Variants in TMEM167A observed in about 807,000 individuals in gnomAD.
TMEM167A encodes protein kish-A.
In TMEM167A, 8 loss-of-function variants were observed where a neutral mutation model predicts 11.6. The observed-to-expected ratio is 0.69, with a 90% confidence interval of 0.40 to 1.24. The LOEUF is 1.24. Among genes scored for constraint, TMEM167A ranks in the 50% most tolerant of loss-of-function variants. TMEM167A has a pLI of 0.01. For synonymous variants in TMEM167A, 22 were observed against 28.0 expected, an observed-to-expected ratio of 0.79 and a Z score of 0.67; for missense variants, 62 against 87.0, an observed-to-expected ratio of 0.71 and a Z score of 1.14.
chr5:83,070,263 C>T (rs1206030159), intron 1 of TMEM167A, among the ~76,000 whole-genome samples: 1 of 152,154 alleles, frequency 6.6e-6, no homozygotes, highest in East Asian at 1.9e-4. Context: ...TTCTGTAAGA[C>T]TGAGTACGCA....
At position 83,055,747 on chromosome 5, in the gene TMEM167A, TCA is replaced by T. The variant is rs1307334875; in HGVS notation, c.*1335_*1336del. ...AGTCTAAAATAAAAATAGGTGGCTT[TCA>T]GTTCCATACGTTGTTTCTGCAGAAA... On this transcript the variant is annotated 3_prime_UTR_variant, in exon 4 of 4. Coordinates refer to ENST00000502346, the MANE Select transcript of TMEM167A (RefSeq NM_174909.5). The T allele has an allele frequency of 1.3e-5, 2 of 151,932 alleles. No individual in the cohort carries two copies. Among genetic ancestry groups the T allele is most frequent in the African/African-American group, 4.8e-5 (2 of 41,420 alleles). 9.4% of individuals were successfully genotyped at this position (151,932 alleles called of 1,614,324 possible).
intron 1 of TMEM167A, among the ~76,000 whole-genome samples, chr5:83,072,762 C>T (rs1744581994): frequency 6.6e-6 from 1 of 152,122 alleles, no homozygotes; most frequent in African/African-American, 2.4e-5. Flanking sequence ...GAATGCCTGC[C>T]TCAGCCTCCT....
chr5:83,056,935 A>G lies in TMEM167A; in HGVS notation c.*149T>C. On this transcript the variant is annotated 3_prime_UTR_variant, in exon 4 of 4. Coordinates refer to ENST00000502346, the MANE Select transcript of TMEM167A (RefSeq NM_174909.5). ...ATTGTTTATACAGAACATTGGTCCAATAACATTAAAATAGAGAACAGCATC... is the reference window on the plus strand; with the variant it reads ...ATTGTTTATACAGAACATTGGTCCAGTAACATTAAAATAGAGAACAGCATC... The G allele has an allele frequency of 1.4e-6, 1 of 731,714 alleles. No individual in the cohort carries two copies. Among genetic ancestry groups the G allele is most frequent in the South Asian group, 1.5e-5 (1 of 64,908 alleles). The allele number at this position is 731,714 out of a possible 1,614,324, so 45.3% of individuals were successfully genotyped here.
At chr5:83,059,051 A>C (rs533816284) in intron 3 of TMEM167A, among the ~76,000 whole-genome samples, 90 of 152,248 alleles carry the variant, frequency 5.9e-4, no homozygotes, top group African/African-American at 2.1e-3. Context: ...TCACTCTGCC[A>C]AAATGAAAAG....
In TMEM167A at chr5:83,055,276, C is replaced by T. The variant is rs1023589815; in HGVS notation, c.*1808G>A. On this transcript the variant is annotated 3_prime_UTR_variant, in exon 4 of 4. Transcript: ENST00000502346. ...ATATCTAGAATATTCTTCCTCTTTTCATATTCGATTTGTCTTAGCATATAA... is the reference window on the plus strand; with the variant it reads ...ATATCTAGAATATTCTTCCTCTTTTTATATTCGATTTGTCTTAGCATATAA... The T allele has an allele frequency of 6.6e-6, 1 of 151,982 alleles. No homozygotes were observed. The highest frequency in any genetic ancestry group is 1.5e-5 in the Non-Finnish European group (1 of 67,950). 9.4% of individuals were successfully genotyped at this position (151,982 alleles called of 1,614,324 possible).
At chr5:83,069,767 A>C (rs774360498) in intron 1 of TMEM167A, among the ~76,000 whole-genome samples, 43 of 152,298 alleles carry the variant, frequency 2.8e-4, no homozygotes, top group Non-Finnish European at 4.7e-4. Context: ...TGTGACTATT[A>C]AAATATAGTA....
In TMEM167A at chr5:83,055,592, C is replaced by T. The variant is rs1356364973; in HGVS notation, c.*1492G>A. 6.6e-6 allele frequency: 1 copy of T among 151,710 alleles called. No individual in the cohort carries two copies. The highest frequency in any genetic ancestry group is 1.5e-5 in the Non-Finnish European group (1 of 67,838). The allele number at this position is 151,710 out of a possible 1,614,324, so 9.4% of individuals were successfully genotyped here. A position where few individuals can be genotyped will look rare whatever the true frequency, so the allele number is the denominator to read the frequency against. On this transcript the variant is annotated 3_prime_UTR_variant, in exon 4 of 4. Coordinates refer to ENST00000502346, the MANE Select transcript of TMEM167A (RefSeq NM_174909.5). ...CCAAAACCAAACCAAAACAAACAAA[C>T]AAAAAATCCCCAGATAACAAAATAC... is the stretch of plus-strand genomic sequence containing the variant.
intron 1 of TMEM167A, among the ~76,000 whole-genome samples, chr5:83,069,675 A>G (rs1397132557): frequency 2.6e-5 from 4 of 152,108 alleles, no homozygotes; most frequent in Admixed American, 6.5e-5. Context: ...TGCATAATAC[A>G]TACACATAAC....
chr5:83,060,771 C>T (rs966928046), intron 3 of TMEM167A, among the ~76,000 whole-genome samples: 2 of 150,402 alleles, frequency 1.3e-5, no homozygotes, highest in Non-Finnish European at 2.9e-5. Context: ...GCGGAGCTTG[C>T]AGTGAGCGGA....
intron 1 of TMEM167A, among the ~76,000 whole-genome samples, chr5:83,068,952 T>G (rs893501903): frequency 1.3e-5 from 2 of 152,166 alleles, no homozygotes; most frequent in Non-Finnish European, 2.9e-5. Flanking sequence ...GCTGAGAATA[T>G]GAGGGTTCAT....
intron 3 of TMEM167A, among the ~76,000 whole-genome samples, chr5:83,057,636 A>G (rs1366644119): frequency 6.6e-6 from 1 of 152,106 alleles, no homozygotes; most frequent in Non-Finnish European, 1.5e-5. Flanking sequence ...GATGAAAATA[A>G]AGAGAGGATG....
rs780898513 is a variant in TMEM167A at position 83,077,337 on chromosome 5, A to T, written c.-14T>A. 2 of 1,614,158 alleles carry T rather than the reference A, an allele frequency of 1.2e-6. No homozygotes were observed. The highest frequency in any genetic ancestry group is 1.7e-6 in the Non-Finnish European group (2 of 1,180,022). On this transcript the variant is annotated 5_prime_UTR_variant, in exon 1 of 4. Coordinates refer to ENST00000502346, the MANE Select transcript of TMEM167A (RefSeq NM_174909.5). The stretch of plus-strand genomic sequence containing the variant: ...ACTTCTTACCATAGCGAGGCCGGCG[A>T]TGCCGCAGCCACATCACCCTTCCGG...
intron 1 of TMEM167A, among the ~76,000 whole-genome samples, chr5:83,068,919 A>T (rs768627927): frequency 6.6e-6 from 1 of 152,016 alleles, no homozygotes; most frequent in Non-Finnish European, 1.5e-5. Flanking sequence ...GTGGTGGGAG[A>T]GGGGTAGGGT....
intron 1 of TMEM167A, among the ~76,000 whole-genome samples, chr5:83,069,840 A>T (rs1023680314): frequency 6.6e-6 from 1 of 152,150 alleles, no homozygotes. Flanking sequence ...GCAATAATGA[A>T]CATTTTAACA....
intron 1 of TMEM167A, among the ~76,000 whole-genome samples, chr5:83,068,108 A>G (rs1034831609): frequency 2.0e-5 from 3 of 148,106 alleles, no homozygotes; most frequent in Non-Finnish European, 3.0e-5. Context: ...TTATCTTTCA[A>G]AGGTCATATT....
intron 1 of TMEM167A, among the ~76,000 whole-genome samples, chr5:83,066,385 A>G (rs1744481841): frequency 6.6e-6 from 1 of 152,200 alleles, no homozygotes; most frequent in African/African-American, 2.4e-5. Flanking sequence ...GAAAAGTCCT[A>G]AAGAATTTAG....
At position 83,055,216 on chromosome 5, in the gene TMEM167A, C is replaced by T. The variant is rs1454162921; in HGVS notation, c.*1868G>A. The T allele has an allele frequency of 6.6e-6, 1 of 151,984 alleles. No individual in the cohort carries two copies. Among genetic ancestry groups the T allele is most frequent in the Non-Finnish European group, 1.5e-5 (1 of 67,956 alleles). The allele number at this position is 151,984 out of a possible 1,614,324, so 9.4% of individuals were successfully genotyped here. Reference sequence around the variant, plus strand: ...ATCTCTTCCTTTACTTTCCACCTACCTCCTCTGAGATGCCAAATTAAGAAA... The same window carrying T: ...ATCTCTTCCTTTACTTTCCACCTACTTCCTCTGAGATGCCAAATTAAGAAA... On this transcript the variant is annotated 3_prime_UTR_variant, in exon 4 of 4. Transcript: ENST00000502346.
chr5:83,068,316 T>C (rs1471311186), intron 1 of TMEM167A, among the ~76,000 whole-genome samples: 1 of 152,190 alleles, frequency 6.6e-6, no homozygotes, highest in African/African-American at 2.4e-5. Context: ...TAGCAATTAC[T>C]GATATTCACT....
At chr5:83,077,268 A>T (rs1421303425) in intron 1 of TMEM167A, 53 bp downstream of exon 1, 1 of 1,613,942 alleles carries the variant, frequency 6.2e-7, no homozygotes, top group Non-Finnish European at 8.5e-7. Context: ...CCTAGTCTAG[A>T]TCCACAACCC....
Sources: gnomAD v4.1 joint callset for allele counts (sites outside exome capture counted in the v4.1 genomes callset) on GRCh38, gnomAD v4.1.1 for gene constraint, MANE v1.5 for transcripts, NCBI Gene and HGNC (gene_info 2026-07-23, HGNC 2026-07-21) for gene names.